WDR76: variants seen among roughly 807,000 people sequenced by gnomAD.
The protein encoded by WDR76 is WD repeat domain 76.
WDR76 carries 52 observed loss-of-function variants against 70.2 expected under a neutral mutation model. The observed-to-expected ratio is 0.74, with a 90% CI of 0.59 to 0.93. The LOEUF (loss-of-function observed/expected upper bound fraction) is 0.93. Ranked by LOEUF, WDR76 falls within the 40% of genes least tolerant of loss-of-function variation. WDR76 has a pLI of 0.00. For synonymous variants in WDR76, 292 were observed against 271.1 expected (o/e 1.08, Z -0.76); for missense variants, 756 against 760.2 (o/e 0.99, Z 0.07).
At chr15:43,838,001 G>A (rs1383452086) in intron 4 of WDR76, among the ~76,000 whole-genome samples, 16 of 150,694 alleles carry the variant, frequency 1.1e-4, no homozygotes, top group South Asian at 2.1e-4. Context: ...TCAGCCTCCC[G>A]AGTAACTGGG....
At chr15:43,834,572 A>G (rs1750750394) in intron 2 of WDR76, among the ~76,000 whole-genome samples, 2 of 151,250 alleles carry the variant, frequency 1.3e-5, no homozygotes, top group South Asian at 4.2e-4. Context: ...TCGGCCTCCC[A>G]AAGTGCTGGG....
intron 9 of WDR76, among the ~76,000 whole-genome samples, chr15:43,852,193 T>C (rs1050128042): frequency 6.6e-6 from 1 of 152,076 alleles, no homozygotes; most frequent in African/African-American, 2.4e-5. Context: ...TTTTATTTTA[T>C]TTTTTTTGAG....
At chr15:43,841,728 T>G (rs2087728019) in intron 5 of WDR76, among the ~76,000 whole-genome samples, 1 of 152,204 alleles carries the variant, frequency 6.6e-6, no homozygotes, top group Non-Finnish European at 1.5e-5. Context: ...GGTTACAAAC[T>G]GTTTAAAAAA....
intron 12 of WDR76, among the ~76,000 whole-genome samples, chr15:43,865,502 C>A (rs1400441608): frequency 6.6e-6 from 1 of 152,124 alleles, no homozygotes; most frequent in Non-Finnish European, 1.5e-5. Flanking sequence ...GAACTCCTGA[C>A]CTTGAATGAT....
intron 2 of WDR76, among the ~76,000 whole-genome samples, chr15:43,832,375 C>T (rs368950890): frequency 6.6e-6 from 1 of 151,506 alleles, no homozygotes; most frequent in East Asian, 1.9e-4. Flanking sequence ...CAGAGTGAGA[C>T]GCTATCACTT....
At chr15:43,842,590 A>C (rs1313154218) in intron 6 of WDR76, 38 bp from the exon 7 acceptor site, 1 of 1,600,530 alleles carries the variant, frequency 6.2e-7, no homozygotes, top group African/African-American at 1.3e-5. Context: ...AAATATATAC[A>C]TACTAACTTA....
Position 43,856,983 on chromosome 15 carries a change from A to G in WDR76, c.1229A>G (p.Asp410Gly), listed in dbSNP as rs1384788136. ...GAAAGAAGTAGCTTTTCCTCCTTCG[A>G]CTTCTTGGCAGAAGATGCCTCCACT... ...RNERSSFSSF[D>G]FLAEDASTLI... The change falls in exon 10 of 13, where the codon GAC becomes GGC. Residue 410 changes from aspartate to glycine, a missense_variant. Physicochemically the swap from Asp to Gly is moderately conservative, Grantham distance 94. Transcript: ENST00000263795. The G allele has an allele frequency of 6.2e-7, 1 of 1,614,090 alleles. No individual in the cohort carries two copies. Among genetic ancestry groups the G allele is most frequent in the South Asian group, 1.1e-5 (1 of 91,084 alleles).
rs892693198 is a variant in WDR76, at chr15:43,866,490, A to G, written c.*98A>G. On this transcript the variant is annotated 3_prime_UTR_variant, in exon 13 of 13. Transcript: ENST00000263795. ...GTGTGTTTATGTGGTAATGTGTTAC[A>G]TTTAGCAATTATAACATTGTTTTAT... 37 of 1,335,762 alleles carry G rather than the reference A, an allele frequency of 2.8e-5. No homozygotes were observed. The South Asian group carries it at 3.7e-4, about 13-fold the overall frequency. 82.7% of individuals were successfully genotyped at this position (1,335,762 alleles called of 1,614,324 possible). A position where few individuals can be genotyped will look rare whatever the true frequency, so the allele number is the denominator to read the frequency against.
chr15:43,842,347 C>G (rs1036175772), intron 5 of WDR76, 68 bp from the exon 6 acceptor site: 87 of 1,399,312 alleles, frequency 6.2e-5, no homozygotes, highest in Non-Finnish European at 8.1e-5. Context: ...GACAAATACC[C>G]TTGCCCTCCT....
intron 3 of WDR76, among the ~76,000 whole-genome samples, chr15:43,835,374 A>T (rs919606647): frequency 7.2e-6 from 1 of 139,568 alleles, no homozygotes; most frequent in African/African-American, 2.7e-5. Context: ...CTGGAGTCCT[A>T]GCTACTGGGG....
chr15:43,866,042 T>TAG, intron 12 of WDR76, 86 bp from the exon 13 acceptor site: 1 of 1,476,476 alleles, frequency 6.8e-7, no homozygotes. Flanking sequence ...AACTAGCATT[T>TAG]AGGAGCAATG....
chr15:43,837,151 C>A (rs1240204353), intron 4 of WDR76, among the ~76,000 whole-genome samples: 4 of 152,072 alleles, frequency 2.6e-5, no homozygotes, highest in Non-Finnish European at 5.9e-5. Context: ...GAATTATCTC[C>A]ATTGCATTTT....
At chr15:43,862,326 T>A (rs7495054) in intron 12 of WDR76, among the ~76,000 whole-genome samples, 1 of 126,264 alleles carries the variant, frequency 7.9e-6, no homozygotes, top group African/African-American at 3.3e-5. Context: ...TTTTTTTTAA[T>A]TTTTTTTTAA....
intron 2 of WDR76, among the ~76,000 whole-genome samples, chr15:43,834,321 A>G (rs2087628882): frequency 7.3e-6 from 1 of 137,570 alleles, no homozygotes; most frequent in Non-Finnish European, 1.5e-5. Flanking sequence ...TTTTTTTGAG[A>G]CGGAGTTTCG....
In WDR76 at chr15:43,846,993, G is replaced by A. The variant is rs986074184; in HGVS notation, c.1032+2939G>A. 1.0e-4 allele frequency among the ~76,000 whole-genome samples: 13 copies of A among 128,400 alleles called. No individual in the cohort carries two copies. The East Asian group carries it at 3.1e-3, about 30-fold the overall frequency. 84.2% of individuals were successfully genotyped at this position (128,400 alleles called of 152,430 possible). ...GCCGAGATGGCGCCATTGCACTCCA[G>A]CCTGGGAAACAAGAGCAAAACACCA... is the stretch of plus-strand genomic sequence containing the variant. On this transcript the variant is annotated intron_variant, in intron 8 of 12. Transcript: ENST00000263795.
intron 8 of WDR76, among the ~76,000 whole-genome samples, chr15:43,848,475 C>G (rs1370300553): frequency 1.3e-5 from 2 of 152,104 alleles, no homozygotes; most frequent in South Asian, 2.1e-4. Flanking sequence ...CCGATTTTTC[C>G]TCTTTTCAAT....
At chr15:43,853,285 G>C (rs931534581) in intron 9 of WDR76, among the ~76,000 whole-genome samples, 63 of 152,028 alleles carry the variant, frequency 4.1e-4, no homozygotes, top group Non-Finnish European at 6.2e-4. Context: ...CTGCCTCCCA[G>C]GCTCACGTGA....
chr15:43,864,999 G>A (rs748957130), intron 12 of WDR76, among the ~76,000 whole-genome samples: 3 of 152,012 alleles, frequency 2.0e-5, no homozygotes, highest in Non-Finnish European at 2.9e-5. Flanking sequence ...ATCTCAGCTC[G>A]CTGCAACCTC....
chr15:43,862,373 A>G (rs2088012055), intron 12 of WDR76, among the ~76,000 whole-genome samples: 1 of 133,584 alleles, frequency 7.5e-6, no homozygotes, highest in Non-Finnish European at 1.5e-5. Context: ...GCTGGAGTGC[A>G]GTGGCATGAT....
Sources: allele counts gnomAD v4.1 joint callset (sites outside exome capture counted in the v4.1 genomes callset), GRCh38; gene constraint gnomAD v4.1.1; transcripts MANE v1.5; gene names NCBI Gene and HGNC (gene_info 2026-07-23, HGNC 2026-07-21).